The following ZBTB49 variants were observed in gnomAD, a reference collection of about 807,000 sequenced individuals.
The protein encoded by ZBTB49 is zinc finger and BTB domain-containing protein 49.
Under a neutral mutation model 57.5 loss-of-function variants are expected in ZBTB49, and 43 were observed. The ratio of observed to expected loss-of-function variants is 0.75; its 90% CI spans 0.59 to 0.97. ZBTB49 has a LOEUF of 0.97. ZBTB49 is among the 50% of genes least tolerant of loss of function. The pLI is 0.00. For synonymous variants in ZBTB49, 369 were observed against 362.1 expected (o/e 1.02, Z -0.22); for missense variants, 938 against 947.7 (o/e 0.99, Z 0.13).
At chr4:4,295,610 G>A (rs1720160228) in intron 1 of ZBTB49, among the ~76,000 whole-genome samples, 1 of 152,248 alleles carries the variant, frequency 6.6e-6, no homozygotes, top group Non-Finnish European at 1.5e-5. Flanking sequence ...TCACTTGGCT[G>A]TTACTAGCCT....
chr4:4,319,554 C>T (rs749616709), intron 7 of ZBTB49, among the ~76,000 whole-genome samples: 5 of 152,364 alleles, frequency 3.3e-5, no homozygotes, highest in East Asian at 1.9e-4. Context: ...GGCGCCATGG[C>T]TCATGCCTGT....
At chr4:4,291,715 A>C (rs1225261115) in intron 1 of ZBTB49, among the ~76,000 whole-genome samples, 1 of 152,238 alleles carries the variant, frequency 6.6e-6, no homozygotes, top group African/African-American at 2.4e-5. Context: ...TACTCAAAGA[A>C]AGTGAGCCCT....
intron 7 of ZBTB49, among the ~76,000 whole-genome samples, chr4:4,318,437 G>A (rs1301626663): frequency 1.3e-5 from 2 of 152,200 alleles, no homozygotes; most frequent in East Asian, 1.9e-4. Context: ...CCGACATGGC[G>A]AAACCCCGTC....
chr4:4,301,469 T>C (rs1290043814), intron 2 of ZBTB49, among the ~76,000 whole-genome samples: 2 of 152,212 alleles, frequency 1.3e-5, no homozygotes, highest in Non-Finnish European at 2.9e-5. Context: ...TTTTTAAGTT[T>C]TCTAGGCACT....
intron 1 of ZBTB49, among the ~76,000 whole-genome samples, chr4:4,297,773 CAA>C (rs554296344): frequency 0.074 from 8,589 of 115,562 alleles, 696 homozygotes; most frequent in East Asian, 0.34. Flanking sequence ...GATCCTGTTT[CAA>C]AAAAAAAAAA....
chr4:4,309,553 G>C (rs1720891926), intron 4 of ZBTB49, among the ~76,000 whole-genome samples: 1 of 152,212 alleles, frequency 6.6e-6, no homozygotes, highest in Non-Finnish European at 1.5e-5. Flanking sequence ...CCTCCAAGTA[G>C]GCAGAAACAG....
chr4:4,293,290 T>G (rs957996545), intron 1 of ZBTB49, among the ~76,000 whole-genome samples: 1 of 152,236 alleles, frequency 6.6e-6, no homozygotes, highest in Non-Finnish European at 1.5e-5. Flanking sequence ...TTCTGCTCCT[T>G]CTCTCACGCT....
At chr4:4,297,966 G>C (rs761431806) in intron 1 of ZBTB49, among the ~76,000 whole-genome samples, 20 of 152,186 alleles carry the variant, frequency 1.3e-4, no homozygotes, top group Non-Finnish European at 2.9e-4. Context: ...CGGTTACCAG[G>C]CTCCCCTGTA....
intron 3 of ZBTB49, among the ~76,000 whole-genome samples, 174 bp from the exon 4 acceptor site, chr4:4,305,964 G>A (rs888865191): frequency 6.6e-6 from 1 of 152,200 alleles, no homozygotes; most frequent in East Asian, 1.9e-4. Context: ...TATCATCTCT[G>A]TGTAGAAATA....
chr4:4,301,907 A>G lies in ZBTB49; in HGVS notation c.153-82A>G, dbSNP rs925630484. On this transcript the variant is annotated intron_variant, in intron 2 of 7. Coordinates refer to ENST00000337872, the MANE Select transcript of ZBTB49 (RefSeq NM_145291.4). ...ATTCACAGAAGGATAGTATTTTTTA[A>G]TATTAATATATGAATGTTATTTATA... 1.1e-5 allele frequency: 14 copies of G among 1,272,488 alleles called. No homozygotes were observed. In the African/African-American group the frequency reaches 2.0e-4, roughly 18 times the overall value. The allele number at this position is 1,272,488 out of a possible 1,614,324, so 78.8% of individuals were successfully genotyped here. A position where few individuals can be genotyped will look rare whatever the true frequency, so the allele number is the denominator to read the frequency against.
chr4:4,294,037 A>G (rs982140234), intron 1 of ZBTB49, among the ~76,000 whole-genome samples: 1 of 152,266 alleles, frequency 6.6e-6, no homozygotes, highest in African/African-American at 2.4e-5. Flanking sequence ...TAAAATGTGG[A>G]TAATAGTAGC....
Position 4,302,157 on chromosome 4 carries a change from A to G in ZBTB49, c.321A>G (p.Gln107=). ...ACACAGCACAGTGTTTGCAAGTTCA[A>G]AATGTTCTGAGTCTGTGTCACACAT... The part of the protein sequence containing the change: ...MLDTAQCLQV[Q]NVLSLCHTFL... Residue 107 remains glutamine (Q), a synonymous_variant, in exon 3 of 8, where the codon CAA becomes CAG. Coordinates refer to ENST00000337872, the MANE Select transcript of ZBTB49 (RefSeq NM_145291.4). The G allele has an allele frequency of 1.2e-6, 2 of 1,614,260 alleles. No individual in the cohort carries two copies. Among genetic ancestry groups the G allele is most frequent in the Non-Finnish European group, 8.5e-7 (1 of 1,180,052 alleles).
At chr4:4,306,101 T>C in intron 3 of ZBTB49, 37 bp from the exon 4 acceptor site, 1 of 1,594,532 alleles carries the variant, frequency 6.3e-7, no homozygotes, top group Non-Finnish European at 8.6e-7. Flanking sequence ...CAAATACTAG[T>C]AATGATTTTA....
At chr4:4,316,049 GC>G in intron 7 of ZBTB49, 79 bp downstream of exon 7, 1 of 1,545,482 alleles carries the variant, frequency 6.5e-7, no homozygotes, top group Non-Finnish European at 8.8e-7. Flanking sequence ...TTAGCTGAGT[GC>G]GTGTCTGGGA....
chr4:4,317,748 C>T (rs1329293567), intron 7 of ZBTB49, among the ~76,000 whole-genome samples: 2 of 152,056 alleles, frequency 1.3e-5, no homozygotes, highest in Non-Finnish European at 2.9e-5. Context: ...CTCGCAGGCT[C>T]GTGTGCTCTC....
chr4:4,315,455 C>T (rs905145154), intron 5 of ZBTB49, among the ~76,000 whole-genome samples, 181 bp from the exon 6 acceptor site: 3 of 151,358 alleles, frequency 2.0e-5, no homozygotes, highest in Non-Finnish European at 2.9e-5. Flanking sequence ...TCATGTTCTG[C>T]TTTTCTTAAA....
chr4:4,290,490 G>C (rs148636158), intron 1 of ZBTB49, 138 bp downstream of exon 1: 4 of 152,610 alleles, frequency 2.6e-5, no homozygotes, highest in Non-Finnish European at 4.4e-5. Context: ...GGCACTCGAG[G>C]ATACCCGGGG....
chr4:4,309,622 C>T (rs1398622965), intron 4 of ZBTB49, among the ~76,000 whole-genome samples: 3 of 152,192 alleles, frequency 2.0e-5, no homozygotes, highest in African/African-American at 4.8e-5. Context: ...CTGCCAGCAG[C>T]GCCGTCTAGC....
chr4:4,306,795 A>T (rs527613810), intron 4 of ZBTB49, among the ~76,000 whole-genome samples: 1 of 152,342 alleles, frequency 6.6e-6, no homozygotes, highest in Admixed American at 6.5e-5. Flanking sequence ...TTTCTGAAAC[A>T]GAAGGTAACT....
Sources: allele counts gnomAD v4.1 joint callset (sites outside exome capture counted in the v4.1 genomes callset), GRCh38; gene constraint gnomAD v4.1.1; transcripts MANE v1.5; gene names NCBI Gene and HGNC (gene_info 2026-07-23, HGNC 2026-07-21).